The following CDH20 variants were observed in gnomAD, a reference collection of about 807,000 sequenced individuals.
CDH20 encodes the protein cadherin-20.
In CDH20, 29 loss-of-function variants were observed where a neutral mutation model predicts 74.2. The ratio of observed to expected loss-of-function variants is 0.39; its 90% CI spans 0.29 to 0.53. The LOEUF (loss-of-function observed/expected upper bound fraction) is 0.53. Ranked by LOEUF, CDH20 falls within the 20% of genes least tolerant of loss-of-function variation. The pLI is 0.69. For missense variants in CDH20, 988 were observed against 1,048.3 expected (o/e 0.94, Z 0.79); for synonymous variants, 469 against 405.4 (o/e 1.16, Z -1.88).
intron 1 of CDH20, among the ~76,000 whole-genome samples, chr18:61,386,009 A>G (rs1317200854): frequency 2.0e-5 from 3 of 152,124 alleles, no homozygotes; most frequent in Non-Finnish European, 4.4e-5. Flanking sequence ...TAACTTCACT[A>G]GTAATTGAGT....
intron 1 of CDH20, among the ~76,000 whole-genome samples, chr18:61,343,298 C>T (rs1910013242): frequency 6.6e-6 from 1 of 152,028 alleles, no homozygotes; most frequent in Non-Finnish European, 1.5e-5. Flanking sequence ...TTATGGTATG[C>T]CAGTCATACA....
At chr18:61,546,994 C>G (rs1289684696) in intron 10 of CDH20, among the ~76,000 whole-genome samples, 1 of 152,096 alleles carries the variant, frequency 6.6e-6, no homozygotes, top group Non-Finnish European at 1.5e-5. Context: ...AGTTCAAGAC[C>G]AGCCTGGGCA....
intron 1 of CDH20, among the ~76,000 whole-genome samples, chr18:61,487,948 T>A (rs565407916): frequency 6.6e-6 from 1 of 152,242 alleles, no homozygotes; most frequent in South Asian, 2.1e-4. Context: ...CACACATGCA[T>A]GCACAGGCAC....
At chr18:61,467,190 C>T (rs1909991833) in intron 1 of CDH20, among the ~76,000 whole-genome samples, 1 of 152,048 alleles carries the variant, frequency 6.6e-6, no homozygotes, top group Non-Finnish European at 1.5e-5. Context: ...AGACATATTG[C>T]CATGATATCC....
In CDH20 at chr18:61,353,031, G is replaced by T. The variant is rs932237956; in HGVS notation, c.-153+19204G>T. 6.6e-6 allele frequency among the ~76,000 whole-genome samples: 1 copy of T among 152,132 alleles called. No homozygotes were observed. Among genetic ancestry groups the T allele is most frequent in the African/African-American group, 2.4e-5 (1 of 41,428 alleles). On this transcript the variant is annotated intron_variant, in intron 1 of 11. Transcript: ENST00000262717. This position sits in a 1 kb window ranked among gnomAD's most constrained non-coding sequence, Gnocchi z 4.6. ...CAAAGCCAACATGGTCTCCCAGTCAGCCTCTTCTCTAGCAACCTTCACATG... is the reference window on the plus strand; with the variant it reads ...CAAAGCCAACATGGTCTCCCAGTCATCCTCTTCTCTAGCAACCTTCACATG...
intron 1 of CDH20, among the ~76,000 whole-genome samples, chr18:61,454,702 C>T (rs1451008850): frequency 6.6e-6 from 1 of 152,316 alleles, no homozygotes; most frequent in African/African-American, 2.4e-5. Flanking sequence ...TTGTTTCACT[C>T]TCTTTTATTA....
At chr18:61,396,602 A>G (rs968695656) in intron 1 of CDH20, among the ~76,000 whole-genome samples, 1 of 152,200 alleles carries the variant, frequency 6.6e-6, no homozygotes, top group African/African-American at 2.4e-5. Flanking sequence ...TTCATCTTAG[A>G]GTTTGTAATC....
At chr18:61,495,906 A>G (rs982691013) in intron 2 of CDH20, among the ~76,000 whole-genome samples, 1 of 152,006 alleles carries the variant, frequency 6.6e-6, no homozygotes, top group Admixed American at 6.5e-5. Flanking sequence ...CCTCTGTGTA[A>G]GTAGATCCTG....
chr18:61,529,152 C>T (rs1388918867), intron 7 of CDH20, among the ~76,000 whole-genome samples: 4 of 152,178 alleles, frequency 2.6e-5, no homozygotes, highest in Non-Finnish European at 5.9e-5. Flanking sequence ...ACCTATGAAG[C>T]GTGACACAAA....
intron 5 of CDH20, among the ~76,000 whole-genome samples, chr18:61,506,033 C>A (rs1265233669): frequency 6.6e-6 from 1 of 152,118 alleles, no homozygotes; most frequent in Non-Finnish European, 1.5e-5. Context: ...GGAATGTTGA[C>A]AAAATGATAC....
intron 3 of CDH20, among the ~76,000 whole-genome samples, chr18:61,499,789 T>C (rs1005296672): frequency 3.3e-5 from 5 of 152,162 alleles, no homozygotes. Flanking sequence ...GAGAAATATT[T>C]TGTTATTATC....
intron 1 of CDH20, among the ~76,000 whole-genome samples, chr18:61,481,629 T>C (rs1198715474): frequency 6.6e-6 from 1 of 152,222 alleles, no homozygotes; most frequent in African/African-American, 2.4e-5. Context: ...CTTGAACAGA[T>C]TGCCCCTTTC....
chr18:61,537,962 G>A (rs956522632), intron 8 of CDH20, among the ~76,000 whole-genome samples: 12 of 152,020 alleles, frequency 7.9e-5, no homozygotes, highest in African/African-American at 2.4e-4. Flanking sequence ...CCTTGGGGTG[G>A]TGACCAAAAC....
intron 1 of CDH20, among the ~76,000 whole-genome samples, chr18:61,438,955 A>G (rs1398910352): frequency 6.6e-6 from 1 of 152,144 alleles, no homozygotes; most frequent in Non-Finnish European, 1.5e-5. Flanking sequence ...ATTTGCAGCA[A>G]TATGGATGCA....
intron 1 of CDH20, among the ~76,000 whole-genome samples, chr18:61,435,041 CCATATTACAGA>C (rs1480993460): frequency 6.6e-6 from 1 of 152,048 alleles, no homozygotes; most frequent in African/African-American, 2.4e-5. Context: ...GTATTTTCCC[CCATATTACAGA>C]CAACTTTATG....
At chr18:61,400,274 C>T (rs1432500730) in intron 1 of CDH20, among the ~76,000 whole-genome samples, 1 of 152,138 alleles carries the variant, frequency 6.6e-6, no homozygotes, top group African/African-American at 2.4e-5. Flanking sequence ...TGGGGCCTCT[C>T]CAGCCTGCTA....
chr18:61,391,328 G>C (rs992391330), intron 1 of CDH20, among the ~76,000 whole-genome samples: 1 of 152,144 alleles, frequency 6.6e-6, no homozygotes, highest in Non-Finnish European at 1.5e-5. Context: ...GGGTTTGAAA[G>C]GGGATAGACA....
chr18:61,454,110 G>C (rs1183709257), intron 1 of CDH20, among the ~76,000 whole-genome samples: 1 of 152,052 alleles, frequency 6.6e-6, no homozygotes, highest in African/African-American at 2.4e-5. Flanking sequence ...ATCTTCTTTG[G>C]TGATACGTTT....
chr18:61,396,853 C>T (rs946931032), intron 1 of CDH20, among the ~76,000 whole-genome samples: 6 of 152,198 alleles, frequency 3.9e-5, no homozygotes, highest in African/African-American at 1.4e-4. Flanking sequence ...CCAGGGGAAG[C>T]CTTCATAGTA....
Sources: gnomAD v4.1 joint callset for allele counts (sites outside exome capture counted in the v4.1 genomes callset) on GRCh38, gnomAD v4.1.1 for gene constraint, Gnocchi (gnomAD v3.1) non-coding constraint, MANE v1.5 for transcripts, NCBI Gene and HGNC (gene_info 2026-07-23, HGNC 2026-07-21) for gene names.